The following ADAM23 variants were observed in gnomAD, a reference collection of about 807,000 sequenced individuals.
ADAM23 encodes the protein ADAM metallopeptidase domain 23.
A neutral mutation model predicts 120.1 loss-of-function variants in ADAM23; 33 were observed. The observed-to-expected ratio is 0.27, with a 90% confidence interval of 0.21 to 0.37. The LOEUF is 0.37. ADAM23 is among the 10% of genes least tolerant of loss of function. The pLI, the probability that ADAM23 is intolerant of heterozygous loss-of-function variation, is 1.00. For missense variants in ADAM23, 862 were observed against 1,058.2 expected (o/e 0.81, Z 2.57); for synonymous variants, 367 against 375.2 (o/e 0.98, Z 0.25).
rs1347160029 is a variant in ADAM23, at chr2:206,443,771, C to T, written c.-96C>T. 4.7e-6 allele frequency: 3 copies of T among 644,038 alleles called. No individual in the cohort carries two copies. Among genetic ancestry groups the T allele is most frequent in the Non-Finnish European group, 5.8e-6 (3 of 518,134 alleles). The allele number at this position is 644,038 out of a possible 1,614,324, so 39.9% of individuals were successfully genotyped here. ...CCCCTGCCCGCCGCGGCACCATGCG[C>T]GCCGAGCCGGCGTGACCGGCTCCGC... On this transcript the variant is annotated 5_prime_UTR_variant, in exon 1 of 26. Transcript: ENST00000264377.
At chr2:206,477,711 G>A (rs1695801299) in intron 2 of ADAM23, among the ~76,000 whole-genome samples, 1 of 151,594 alleles carries the variant, frequency 6.6e-6, no homozygotes. Context: ...CAATACTGTA[G>A]GTAGTCTTTG....
intron 2 of ADAM23, among the ~76,000 whole-genome samples, chr2:206,469,734 ACTC>A (rs1695615883): frequency 6.6e-6 from 1 of 151,892 alleles, no homozygotes; most frequent in South Asian, 2.1e-4. Context: ...TGCCTGCACA[ACTC>A]CTCTAGTCTC....
At chr2:206,609,130 C>T (rs1698783618) in intron 24 of ADAM23, among the ~76,000 whole-genome samples, 1 of 152,260 alleles carries the variant, frequency 6.6e-6, no homozygotes, top group South Asian at 2.1e-4. Flanking sequence ...GAAATGCCAC[C>T]TTGTCTTTTC....
intron 25 of ADAM23, among the ~76,000 whole-genome samples, chr2:206,615,289 A>G (rs546609837): frequency 6.6e-6 from 1 of 152,310 alleles, no homozygotes; most frequent in East Asian, 1.9e-4. Flanking sequence ...TTTTATAATG[A>G]TCCAGAAATA....
intron 9 of ADAM23, among the ~76,000 whole-genome samples, chr2:206,554,445 G>C (rs941805170): frequency 6.6e-6 from 1 of 152,124 alleles, no homozygotes; most frequent in African/African-American, 2.4e-5. Flanking sequence ...AATGTTTTGC[G>C]TACGTGTTTT....
chr2:206,558,991 C>T (rs1450553050), intron 10 of ADAM23, among the ~76,000 whole-genome samples: 1 of 152,166 alleles, frequency 6.6e-6, no homozygotes, highest in Non-Finnish European at 1.5e-5. Flanking sequence ...GTTGCCCAGG[C>T]TGGAGTGCAG....
rs968391066 is a variant in ADAM23, at chr2:206,619,101, G to A, written c.*1474G>A. The A allele has an allele frequency of 6.6e-6, 1 of 152,208 alleles. No individual in the cohort carries two copies. Among genetic ancestry groups the A allele is most frequent in the Non-Finnish European group, 1.5e-5 (1 of 68,046 alleles). The allele number at this position is 152,208 out of a possible 1,614,324, so 9.4% of individuals were successfully genotyped here. A position where few individuals can be genotyped will look rare whatever the true frequency, so the allele number is the denominator to read the frequency against. ...TATTGGAAAAGTGGTAATGGGAATA[G>A]AAGGAGCAGTTACCTTTGTATCCGC... On this transcript the variant is annotated 3_prime_UTR_variant, in exon 26 of 26. Coordinates refer to ENST00000264377, the MANE Select transcript of ADAM23 (RefSeq NM_003812.4).
At chr2:206,581,958 A>G (rs541061470) in intron 18 of ADAM23, among the ~76,000 whole-genome samples, 12 of 151,848 alleles carry the variant, frequency 7.9e-5, no homozygotes, top group Non-Finnish European at 1.6e-4. Context: ...GCTCACTGCA[A>G]CCTCTGCCTC....
intron 3 of ADAM23, among the ~76,000 whole-genome samples, chr2:206,530,100 T>C (rs953575848): frequency 6.6e-6 from 1 of 152,242 alleles, no homozygotes; most frequent in African/African-American, 2.4e-5. Flanking sequence ...TGAGTCACCA[T>C]GCCCGGCTTT....
chr2:206,573,038 C>A, intron 17 of ADAM23, 77 bp from the exon 18 acceptor site: 2 of 1,411,872 alleles, frequency 1.4e-6, no homozygotes, highest in Non-Finnish European at 2.0e-6. Context: ...TAGGCATTGT[C>A]GGTGAGTCTA....
intron 24 of ADAM23, chr2:206,606,693 G>C (rs1177532407): frequency 6.6e-6 from 1 of 152,154 alleles, no homozygotes; most frequent in East Asian, 1.9e-4. Context: ...CACATCCTCA[G>C]AATAGCTGTC....
chr2:206,559,765 G>T (rs1489193417), intron 10 of ADAM23, among the ~76,000 whole-genome samples, 190 bp from the exon 11 acceptor site: 1 of 152,122 alleles, frequency 6.6e-6, no homozygotes, highest in Admixed American at 6.5e-5. Context: ...AAACCAAATT[G>T]TGTGATTGTT....
At position 206,619,420 on chromosome 2, in the gene ADAM23, T is replaced by G. The variant is rs1699000500; in HGVS notation, c.*1793T>G. The G allele has an allele frequency of 6.6e-6, 1 of 152,176 alleles. No homozygotes were observed. Among genetic ancestry groups the G allele is most frequent in the African/African-American group, 2.4e-5 (1 of 41,438 alleles). The allele number at this position is 152,176 out of a possible 1,614,324, so 9.4% of individuals were successfully genotyped here. The stretch of plus-strand genomic sequence containing the variant: ...ATTTGGTCCCGGCTTTGTTTTAATG[T>G]ACAAACCGGTATGTGATCACTTCAG... On this transcript the variant is annotated 3_prime_UTR_variant, in exon 26 of 26. Transcript: ENST00000264377.
At chr2:206,550,962 A>C (rs1272501276) in intron 9 of ADAM23, among the ~76,000 whole-genome samples, 1 of 152,216 alleles carries the variant, frequency 6.6e-6, no homozygotes, top group Non-Finnish European at 1.5e-5. Flanking sequence ...TGGCAGTAAA[A>C]TGTGATTGAA....
At chr2:206,489,765 C>T (rs559831162) in intron 3 of ADAM23, among the ~76,000 whole-genome samples, 13 of 152,198 alleles carry the variant, frequency 8.5e-5, no homozygotes, top group Non-Finnish European at 1.8e-4. Flanking sequence ...ACCGTGGCTG[C>T]TGTGGTCACA....
At chr2:206,550,890 C>T (rs529322112) in intron 9 of ADAM23, among the ~76,000 whole-genome samples, 3 of 152,236 alleles carry the variant, frequency 2.0e-5, no homozygotes, top group South Asian at 2.1e-4. Context: ...CGTGAGCCAC[C>T]GCGCCCGGCG....
rs374159518 is a variant in ADAM23 at position 206,570,503 on chromosome 2, C to T, written c.1495-237C>T. Among the ~76,000 whole-genome samples, 4 of 152,194 alleles carry T rather than the reference C, an allele frequency of 2.6e-5. No homozygotes were observed. In the East Asian group the frequency reaches 5.8e-4, roughly 22 times the overall value. ...CTAATGCTAGAGTTCATCTGTGGAG[C>T]CCACAGCCAGAGAATCCCCCAAGAG... On this transcript the variant is annotated intron_variant, in intron 15 of 25. Transcript: ENST00000264377.
chr2:206,579,720 T>C (rs1260614609), intron 18 of ADAM23, among the ~76,000 whole-genome samples: 1 of 152,200 alleles, frequency 6.6e-6, no homozygotes, highest in East Asian at 1.9e-4. Flanking sequence ...GGCTCTTTTT[T>C]GGTTCCATAT....
In ADAM23 at chr2:206,464,436, G is replaced by A. The variant is rs549857658; in HGVS notation, c.433-16796G>A. 1.3e-4 allele frequency among the ~76,000 whole-genome samples: 20 copies of A among 152,108 alleles called. No individual in the cohort carries two copies. The South Asian group carries it at 3.1e-3, about 24-fold the overall frequency. ...TTAAAAATACAAAAATTAGCCGGGC[G>A]TGGTGGCACGTGCCTGTAGTCTCAG... is the stretch of plus-strand genomic sequence containing the variant. On this transcript the variant is annotated intron_variant, in intron 2 of 25. Coordinates refer to ENST00000264377, the MANE Select transcript of ADAM23 (RefSeq NM_003812.4).
Sources: allele counts gnomAD v4.1 joint callset (sites outside exome capture counted in the v4.1 genomes callset), GRCh38; gene constraint gnomAD v4.1.1; transcripts MANE v1.5; gene names NCBI Gene and HGNC (gene_info 2026-07-23, HGNC 2026-07-21).